The following BRINP3 variants were observed in gnomAD, a reference collection of about 807,000 sequenced individuals.
BRINP3 encodes the protein BMP/retinoic acid-inducible neural-specific protein 3.
BRINP3 carries 19 observed loss-of-function variants against 71.0 expected under a neutral mutation model. The ratio of observed to expected loss-of-function variants is 0.27; its 90% CI spans 0.19 to 0.39. The LOEUF is 0.39. Among genes scored for constraint, BRINP3 ranks in the 10% least tolerant of loss-of-function variants. The pLI is 1.00. For missense variants in BRINP3, 959 were observed against 940.8 expected, an observed-to-expected ratio of 1.02 and a Z score of -0.25; for synonymous variants, 380 against 337.7, an observed-to-expected ratio of 1.13 and a Z score of -1.37.
At chr1:190,194,018 T>C (rs1654270423) in intron 6 of BRINP3, among the ~76,000 whole-genome samples, 1 of 152,126 alleles carries the variant, frequency 6.6e-6, no homozygotes, top group South Asian at 2.1e-4. Context: ...CTCCTCCCTA[T>C]TGCAATAGTC....
At chr1:190,398,410 CAAAA>C (rs1016999161) in intron 2 of BRINP3, among the ~76,000 whole-genome samples, 3 of 151,744 alleles carry the variant, frequency 2.0e-5, no homozygotes, top group Admixed American at 1.3e-4. Flanking sequence ...TTCTGAATAA[CAAAA>C]AAGGTAACCT....
At chr1:190,313,467 T>C (rs1264517907) in intron 2 of BRINP3, among the ~76,000 whole-genome samples, 2 of 152,044 alleles carry the variant, frequency 1.3e-5, no homozygotes, top group Non-Finnish European at 2.9e-5. Context: ...TTGTATTTAG[T>C]AGGGAAGCCT....
intron 2 of BRINP3, among the ~76,000 whole-genome samples, chr1:190,370,855 A>G (rs1172815996): frequency 2.0e-5 from 3 of 152,312 alleles, no homozygotes; most frequent in Non-Finnish European, 4.4e-5. Flanking sequence ...GTGTGAGGTA[A>G]CATATCATTG....
intron 2 of BRINP3, among the ~76,000 whole-genome samples, chr1:190,319,934 C>T (rs968163511): frequency 3.9e-4 from 59 of 152,044 alleles, no homozygotes; most frequent in African/African-American, 1.4e-3. Context: ...ATAAAGATGT[C>T]ATTTTTAAAT....
At chr1:190,113,861 A>G (rs568099720) in intron 7 of BRINP3, among the ~76,000 whole-genome samples, 92 of 152,240 alleles carry the variant, frequency 6.0e-4, no homozygotes, top group Admixed American at 1.6e-3. Flanking sequence ...CTTCTTTTGG[A>G]ATACGTTTTT....
chr1:190,456,020 G>GA (rs2102634927), intron 1 of BRINP3, among the ~76,000 whole-genome samples: 1 of 152,206 alleles, frequency 6.6e-6, no homozygotes, highest in Non-Finnish European at 1.5e-5. Flanking sequence ...TGACTAATGA[G>GA]AAAGGTTTAC....
In BRINP3 at chr1:190,319,634, C is replaced by T. The variant is rs529130168; in HGVS notation, c.237-37884G>A. Among the ~76,000 whole-genome samples, 7 of 152,082 alleles carry T rather than the reference C, an allele frequency of 4.6e-5. No homozygotes were observed. In the South Asian group the frequency reaches 6.2e-4, roughly 14 times the overall value. Reference sequence around the variant, plus strand: ...GAGAGCCAGCATGTCTTACATGGCCCGAGCAAGAGCAAGAGATTGAGGGAA... The same window carrying T: ...GAGAGCCAGCATGTCTTACATGGCCTGAGCAAGAGCAAGAGATTGAGGGAA... On this transcript the variant is annotated intron_variant, in intron 2 of 7. Coordinates refer to ENST00000367462, the MANE Select transcript of BRINP3 (RefSeq NM_199051.3).
At chr1:190,388,275 A>G (rs1442688814) in intron 2 of BRINP3, among the ~76,000 whole-genome samples, 1 of 151,798 alleles carries the variant, frequency 6.6e-6, no homozygotes, top group East Asian at 1.9e-4. Context: ...CAATCAGTCA[A>G]TCTGTTAATC....
intron 6 of BRINP3, among the ~76,000 whole-genome samples, chr1:190,196,513 G>T (rs1035310044): frequency 6.6e-6 from 1 of 152,032 alleles, no homozygotes; most frequent in African/African-American, 2.4e-5. Context: ...AGTTTCCTCA[G>T]CCAGAAATCC....
rs1274161919 is a variant in BRINP3, at chr1:190,141,387, G to A, written c.1184+19281C>T. Among the ~76,000 whole-genome samples, 3 of 152,014 alleles carry A rather than the reference G, an allele frequency of 2.0e-5. No homozygotes were observed. In the East Asian group the frequency reaches 5.8e-4, roughly 29 times the overall value. On this transcript the variant is annotated intron_variant, in intron 7 of 7. Coordinates refer to ENST00000367462, the MANE Select transcript of BRINP3 (RefSeq NM_199051.3). ...AATTTAAATCCATATTCTTGATTGA[G>A]ATGTTTGTTTGTCTGCAGTGTAGTC... is the stretch of plus-strand genomic sequence containing the variant.
At chr1:190,174,382 T>C (rs1287528472) in intron 6 of BRINP3, among the ~76,000 whole-genome samples, 1 of 152,022 alleles carries the variant, frequency 6.6e-6, no homozygotes, top group Non-Finnish European at 1.5e-5. Flanking sequence ...AACTGAAAAA[T>C]GTAGTTCTTC....
rs536385660 is a variant in BRINP3 at position 190,109,467 on chromosome 1, T to C, written c.1185-10333A>G. On this transcript the variant is annotated intron_variant, in intron 7 of 7. Coordinates refer to ENST00000367462, the MANE Select transcript of BRINP3 (RefSeq NM_199051.3). ...ATTGACACATTCCTCATATACACCA[T>C]AAAGTAATAATCATAAGTATACAAT... Among the ~76,000 whole-genome samples, 10 of 152,262 alleles carry C rather than the reference T, an allele frequency of 6.6e-5. No homozygotes were observed. In the East Asian group the frequency reaches 1.9e-3, roughly 29 times the overall value.
At chr1:190,386,052 AG>A (rs1269779979) in intron 2 of BRINP3, among the ~76,000 whole-genome samples, 3 of 131,416 alleles carry the variant, frequency 2.3e-5, no homozygotes, top group African/African-American at 8.6e-5. Flanking sequence ...GGACACAGGA[AG>A]GGGAACATCA....
At chr1:190,445,641 GT>G (rs1336782899) in intron 2 of BRINP3, among the ~76,000 whole-genome samples, 2 of 151,532 alleles carry the variant, frequency 1.3e-5, no homozygotes, top group African/African-American at 4.9e-5. Context: ...CTAAAACCCA[GT>G]TTTTTTCCTC....
chr1:190,376,259 T>C (rs1406355374), intron 2 of BRINP3, among the ~76,000 whole-genome samples: 1 of 152,018 alleles, frequency 6.6e-6, no homozygotes. Context: ...AGTCATTCAC[T>C]GTTTTGACTA....
intron 7 of BRINP3, among the ~76,000 whole-genome samples, chr1:190,109,268 G>C (rs924517052): frequency 2.0e-5 from 3 of 152,046 alleles, no homozygotes; most frequent in Non-Finnish European, 4.4e-5. Flanking sequence ...ATTTACATAT[G>C]ATATGTAGAT....
At chr1:190,269,482 G>A (rs1004925527) in intron 3 of BRINP3, among the ~76,000 whole-genome samples, 1 of 151,832 alleles carries the variant, frequency 6.6e-6, no homozygotes, top group African/African-American at 2.4e-5. Context: ...GCATTGATAC[G>A]GAATATTTAC....
At chr1:190,133,981 A>G (rs1654760935) in intron 7 of BRINP3, among the ~76,000 whole-genome samples, 1 of 152,112 alleles carries the variant, frequency 6.6e-6, no homozygotes, top group South Asian at 2.1e-4. Context: ...AAACCCCAAA[A>G]CCACTTACTA....
At chr1:190,381,582 G>A (rs958949670) in intron 2 of BRINP3, among the ~76,000 whole-genome samples, 1 of 152,070 alleles carries the variant, frequency 6.6e-6, no homozygotes, top group South Asian at 2.1e-4. Flanking sequence ...TCATCTCAAT[G>A]ACCTTAAGTT....
Sources: allele counts gnomAD v4.1 joint callset (sites outside exome capture counted in the v4.1 genomes callset), GRCh38; gene constraint gnomAD v4.1.1; transcripts MANE v1.5; gene names NCBI Gene and HGNC (gene_info 2026-07-23, HGNC 2026-07-21).